The following NKAIN3 variants were observed in gnomAD, a reference collection of about 807,000 sequenced individuals.
NKAIN3 encodes the protein sodium/potassium-transporting ATPase subunit beta-1-interacting protein 3.
A neutral mutation model predicts 30.2 loss-of-function variants in NKAIN3; 25 were observed. The ratio of observed to expected loss-of-function variants is 0.83; its 90% CI spans 0.60 to 1.16. NKAIN3 has a LOEUF of 1.16. Among genes scored for constraint, NKAIN3 ranks in the 50% most tolerant of loss-of-function variants. The pLI is 0.00. For synonymous variants in NKAIN3, 91 were observed against 89.6 expected, an observed-to-expected ratio of 1.02 and a Z score of -0.09; for missense variants, 225 against 254.1, an observed-to-expected ratio of 0.89 and a Z score of 0.78.
chr8:62,790,267 C>T (rs1424802756), intron 4 of NKAIN3, among the ~76,000 whole-genome samples: 1 of 152,088 alleles, frequency 6.6e-6, no homozygotes, highest in Non-Finnish European at 1.5e-5. Context: ...CAACAACCTT[C>T]ATGCTAAAAA....
At chr8:62,526,260 A>G (rs547911383) in intron 1 of NKAIN3, among the ~76,000 whole-genome samples, 2 of 152,308 alleles carry the variant, frequency 1.3e-5, no homozygotes, top group African/African-American at 2.4e-5. Flanking sequence ...ACAAAGAACA[A>G]CAACAACAAC....
chr8:62,988,404 C>T (rs1407493299), downstream of NKAIN3, among the ~76,000 whole-genome samples: 1 of 152,264 alleles, frequency 6.6e-6, no homozygotes, highest in Non-Finnish European at 1.5e-5. Context: ...TCCGCACCTG[C>T]AGCACACTTC....
intron 1 of NKAIN3, among the ~76,000 whole-genome samples, chr8:62,266,043 C>G (rs1036446537): frequency 1.3e-5 from 2 of 152,160 alleles, no homozygotes; most frequent in Admixed American, 6.5e-5. Context: ...CCCTCCTTCT[C>G]TCCTTACTGT....
chr8:62,292,831 A>C (rs1345291416), intron 1 of NKAIN3, among the ~76,000 whole-genome samples: 2 of 152,176 alleles, frequency 1.3e-5, no homozygotes, highest in Non-Finnish European at 1.5e-5. Flanking sequence ...AGTGTTTTCC[A>C]ACTTGGTTCC....
chr8:62,870,725 C>CTATATATCTATATCTCTA (rs1820612662), intron 4 of NKAIN3, among the ~76,000 whole-genome samples: 1 of 136,386 alleles, frequency 7.3e-6, no homozygotes, highest in Non-Finnish European at 1.5e-5. Context: ...ATCTCTATAT[C>CTATATATCTATATCTCTA]TATATATCTA....
chr8:62,994,871 G>C lies in NKAIN3; in HGVS notation c.533-4360G>C, dbSNP rs1199796186. On this transcript the variant is annotated intron_variant, in intron 5 of 5. Transcript: ENST00000519049. ...TTATAGTTTTTTCAGCTTGGCTCAA[G>C]CTCAGGAAAGTAAATAGCAAAAATA... 3.3e-5 allele frequency among the ~76,000 whole-genome samples: 5 copies of C among 152,228 alleles called. No homozygotes were observed. In the East Asian group the frequency reaches 9.7e-4, roughly 29 times the overall value.
chr8:62,621,187 C>T (rs2130229915), intron 3 of NKAIN3, among the ~76,000 whole-genome samples: 1 of 152,160 alleles, frequency 6.6e-6, no homozygotes. Flanking sequence ...AGTTATCATT[C>T]TGGAGAGTAG....
chr8:62,890,235 G>T (rs1365791770), intron 4 of NKAIN3, among the ~76,000 whole-genome samples: 1 of 152,160 alleles, frequency 6.6e-6, no homozygotes, highest in Non-Finnish European at 1.5e-5. Flanking sequence ...CTTCCAAGGG[G>T]ATTATGGAAG....
chr8:62,268,504 A>G (rs1812675392), intron 1 of NKAIN3, among the ~76,000 whole-genome samples: 1 of 152,114 alleles, frequency 6.6e-6, no homozygotes. Context: ...TGTTCTGCAA[A>G]TTTCTCCAAA....
chr8:62,629,789 C>T (rs1811899308), intron 3 of NKAIN3, among the ~76,000 whole-genome samples: 2 of 152,054 alleles, frequency 1.3e-5, no homozygotes, highest in African/African-American at 4.8e-5. Flanking sequence ...ATACTAATCA[C>T]AGTATTTTCA....
chr8:62,289,741 A>G (rs1005471435), intron 1 of NKAIN3, among the ~76,000 whole-genome samples: 3 of 152,112 alleles, frequency 2.0e-5, no homozygotes, highest in Non-Finnish European at 4.4e-5. Context: ...TTTTGGTTTC[A>G]TATGAACTTT....
At chr8:62,766,571 T>C (rs1257815718) in intron 4 of NKAIN3, among the ~76,000 whole-genome samples, 1 of 152,140 alleles carries the variant, frequency 6.6e-6, no homozygotes, top group African/African-American at 2.4e-5. Flanking sequence ...AAATGAAGAC[T>C]TGAGTGCAGA....
intron 3 of NKAIN3, among the ~76,000 whole-genome samples, chr8:62,723,530 G>A (rs1050545706): frequency 1.3e-5 from 2 of 152,046 alleles, no homozygotes; most frequent in African/African-American, 2.4e-5. Context: ...TGTGTTGAAT[G>A]GGTTTAGTAA....
chr8:62,627,138 G>A lies in NKAIN3; in HGVS notation c.273+37344G>A, dbSNP rs571430781. Among the ~76,000 whole-genome samples the A allele has an allele frequency of 3.6e-4, 55 of 152,196 alleles. 1 individual carries two copies. The South Asian group carries it at 6.8e-3, about 19-fold the overall frequency. ...ATACACAATCGTGAATGAGAAGTTCGGTGTTCAAGTTGTGGCTCTAGCACT... is the reference window on the plus strand; with the variant it reads ...ATACACAATCGTGAATGAGAAGTTCAGTGTTCAAGTTGTGGCTCTAGCACT... On this transcript the variant is annotated intron_variant, in intron 3 of 6. Coordinates refer to ENST00000623646, the MANE Select transcript of NKAIN3 (RefSeq NM_001304533.3).
intron 2 of NKAIN3, among the ~76,000 whole-genome samples, chr8:62,582,301 T>C (rs1313078474): frequency 3.9e-5 from 6 of 152,238 alleles, no homozygotes; most frequent in African/African-American, 1.4e-4. Context: ...TGGACTATAC[T>C]GGTGAGCAAA....
chr8:62,526,518 A>T (rs1167670761), intron 1 of NKAIN3, among the ~76,000 whole-genome samples: 1 of 152,162 alleles, frequency 6.6e-6, no homozygotes, highest in Non-Finnish European at 1.5e-5. Context: ...ATAGTAGATT[A>T]CTAGTTTGAT....
chr8:62,685,939 C>G (rs961634937), intron 3 of NKAIN3, among the ~76,000 whole-genome samples: 2 of 152,134 alleles, frequency 1.3e-5, no homozygotes, highest in Non-Finnish European at 2.9e-5. Context: ...ATATCTGTAT[C>G]CATAAAGTTT....
At chr8:62,775,618 AT>A (rs1348244559) in intron 4 of NKAIN3, among the ~76,000 whole-genome samples, 1 of 151,996 alleles carries the variant, frequency 6.6e-6, no homozygotes, top group Non-Finnish European at 1.5e-5. Flanking sequence ...CAATAATTTG[AT>A]TCAAGAATTT....
At chr8:62,344,793 T>C (rs1268620305) in intron 1 of NKAIN3, 3 of 413,048 alleles carry the variant, frequency 7.3e-6, no homozygotes, top group South Asian at 5.5e-5. Context: ...ATTTAGAGTC[T>C]TTTGTAGTTC....
Sources: allele counts gnomAD v4.1 joint callset (sites outside exome capture counted in the v4.1 genomes callset), GRCh38; gene constraint gnomAD v4.1.1; transcripts MANE v1.5; gene names NCBI Gene and HGNC (gene_info 2026-07-23, HGNC 2026-07-21).